PPP6R3: variants seen among roughly 807,000 people sequenced by gnomAD.
PPP6R3 encodes the protein serine/threonine-protein phosphatase 6 regulatory subunit 3.
Under a neutral mutation model 110.7 loss-of-function variants are expected in PPP6R3, and 38 were observed. The observed-to-expected ratio is 0.34, with a 90% CI of 0.26 to 0.45. The LOEUF (loss-of-function observed/expected upper bound fraction) is 0.45. Among genes scored for constraint, PPP6R3 ranks in the 20% least tolerant of loss-of-function variants. The pLI is 1.00. For missense variants in PPP6R3, 870 were observed against 1,062.4 expected (o/e 0.82, Z 2.52); for synonymous variants, 369 against 373.5 (o/e 0.99, Z 0.14).
chr11:68,497,870 G>T (rs567109094), intron 1 of PPP6R3, among the ~76,000 whole-genome samples: 1 of 152,100 alleles, frequency 6.6e-6, no homozygotes, highest in African/African-American at 2.4e-5. Context: ...GTTTTTTTCT[G>T]AGTTTTGATT....
intron 15 of PPP6R3, chr11:68,586,810 G>A (rs1179825503): frequency 6.6e-6 from 1 of 152,340 alleles, no homozygotes; most frequent in East Asian, 1.9e-4. Flanking sequence ...CATTTCTGCA[G>A]TGTACATCTG....
chr11:68,587,917 G>T lies in PPP6R3; in HGVS notation c.1633-10G>T. 1.2e-6 allele frequency: 2 copies of T among 1,609,626 alleles called. No homozygotes were observed. The highest frequency in any genetic ancestry group is 1.7e-6 in the Non-Finnish European group (2 of 1,175,946). On this transcript the variant is annotated splice_polypyrimidine_tract_variant and intron_variant, in intron 15 of 23. Coordinates refer to ENST00000393800, the MANE Select transcript of PPP6R3 (RefSeq NM_001164161.2). ...CATTATATCACTGTCACTGGTCCTGGGGTTGCCAGGCCTTTTCTGATTATC... is the reference window on the plus strand; with the variant it reads ...CATTATATCACTGTCACTGGTCCTGTGGTTGCCAGGCCTTTTCTGATTATC...
chr11:68,481,815 C>G (rs1478389690), intron 1 of PPP6R3, among the ~76,000 whole-genome samples: 1 of 152,282 alleles, frequency 6.6e-6, no homozygotes, highest in South Asian at 2.1e-4. Context: ...TGCTGAGTCC[C>G]TGCTATTAAA....
chr11:68,570,048 T>G (rs966751132), intron 11 of PPP6R3, 151 bp downstream of exon 11: 5 of 680,368 alleles, frequency 7.3e-6, no homozygotes, highest in Non-Finnish European at 6.8e-6. Flanking sequence ...ACTTTTAACA[T>G]ATAAATCATT....
intron 1 of PPP6R3, among the ~76,000 whole-genome samples, chr11:68,516,876 T>C (rs1893002): frequency 1.3e-3 from 193 of 152,234 alleles, no homozygotes; most frequent in African/African-American, 4.3e-3. Flanking sequence ...TGTTTTTTTT[T>C]CTTCTTTTCC....
chr11:68,613,811 T>C lies in PPP6R3; in HGVS notation c.*694T>C. ...ATTGATGTTATCGTAAAGCCATATG[T>C]TCTGTTCAAGTCTTGTTTGCTTGAA... On this transcript the variant is annotated 3_prime_UTR_variant, in exon 24 of 24. Coordinates refer to ENST00000393800, the MANE Select transcript of PPP6R3 (RefSeq NM_001164161.2). 1.0e-6 allele frequency: 1 copy of C among 985,628 alleles called. No individual in the cohort carries two copies. The highest frequency in any genetic ancestry group is 1.2e-6 in the Non-Finnish European group (1 of 829,680). 61.1% of individuals were successfully genotyped at this position (985,628 alleles called of 1,614,324 possible). A position where few individuals can be genotyped will look rare whatever the true frequency, so the allele number is the denominator to read the frequency against.
At chr11:68,463,158 A>C (rs1250441863) in intron 1 of PPP6R3, among the ~76,000 whole-genome samples, 1 of 151,938 alleles carries the variant, frequency 6.6e-6, no homozygotes, top group African/African-American at 2.4e-5. Flanking sequence ...CGGATCACTT[A>C]AGGTCAGGAG....
intron 13 of PPP6R3, among the ~76,000 whole-genome samples, chr11:68,575,583 C>G (rs190097091): frequency 6.6e-6 from 1 of 152,170 alleles, no homozygotes; most frequent in Admixed American, 6.5e-5. Context: ...ACCCCCGACA[C>G]GTTAAACACC....
At chr11:68,554,023 C>T (rs139305095) in intron 6 of PPP6R3, 122 bp from the exon 7 acceptor site, 21 of 689,162 alleles carry the variant, frequency 3.0e-5, no homozygotes, top group East Asian at 1.1e-4. Context: ...TGACCTTTTG[C>T]GCACTGAAGC....
intron 9 of PPP6R3, among the ~76,000 whole-genome samples, chr11:68,565,301 C>G (rs1185370508): frequency 6.6e-6 from 1 of 151,882 alleles, no homozygotes; most frequent in Non-Finnish European, 1.5e-5. Context: ...ATACCTGATG[C>G]CATTGGTGAG....
At position 68,569,773 on chromosome 11, in the gene PPP6R3, A is replaced by C. The variant is rs2153777637; in HGVS notation, c.1154A>C (p.Asn385Thr). 6.2e-7 allele frequency: 1 copy of C among 1,601,040 alleles called. No individual in the cohort carries two copies. The highest frequency in any genetic ancestry group is 1.3e-5 in the African/African-American group (1 of 74,848). The change falls in exon 11 of 24, where the codon AAT becomes ACT. Residue 385 changes from asparagine to threonine, a missense_variant. Asn to Thr is a moderately conservative substitution (Grantham distance 65). Transcript: ENST00000393800. Reference protein sequence around the residue: ...ILNMFFKYTWNNFLHTQVEIC... With the variant: ...ILNMFFKYTWTNFLHTQVEIC... ...AACATGTTCTTCAAGTATACATGGA[A>C]TAACTTTTTGCATACACAAGTGGAA...
chr11:68,580,612 G>A (rs2099549742), intron 14 of PPP6R3, among the ~76,000 whole-genome samples: 2 of 152,114 alleles, frequency 1.3e-5, no homozygotes, highest in Admixed American at 1.3e-4. Flanking sequence ...AAGAGTGAAG[G>A]TGGCAGTGAC....
chr11:68,579,108 G>A (rs1017100859), intron 14 of PPP6R3, among the ~76,000 whole-genome samples: 3 of 152,222 alleles, frequency 2.0e-5, no homozygotes, highest in Non-Finnish European at 4.4e-5. Flanking sequence ...TGATCTGAAT[G>A]TGTGCCTGTA....
At chr11:68,547,452 AGC>A (rs1491407500) in intron 4 of PPP6R3, among the ~76,000 whole-genome samples, 25 of 152,298 alleles carry the variant, frequency 1.6e-4, no homozygotes, top group African/African-American at 5.8e-4. Flanking sequence ...AGAGACCAGC[AGC>A]AGGGGCCTGA....
chr11:68,519,784 TCTGTGGTA>T (rs1460121280), intron 2 of PPP6R3, 133 bp downstream of exon 2: 5 of 391,952 alleles, frequency 1.3e-5, no homozygotes, highest in Non-Finnish European at 2.2e-5. Flanking sequence ...ACAATATGAT[TCTGTGGTA>T]CTGTGGTATT....
intron 12 of PPP6R3, among the ~76,000 whole-genome samples, chr11:68,573,808 T>C (rs2099519763): frequency 6.6e-6 from 1 of 152,174 alleles, no homozygotes; most frequent in Non-Finnish European, 1.5e-5. Context: ...TTATTTGATC[T>C]TTTAAAAAAT....
intron 10 of PPP6R3, 97 bp from the exon 11 acceptor site, chr11:68,569,651 C>A: frequency 1.7e-6 from 2 of 1,143,402 alleles, no homozygotes; most frequent in African/African-American, 1.6e-5. Context: ...GAGAGCACAT[C>A]ATTTTTACTT....
intron 22 of PPP6R3, among the ~76,000 whole-genome samples, chr11:68,606,819 T>G (rs983913857): frequency 6.6e-6 from 1 of 152,192 alleles, no homozygotes; most frequent in Non-Finnish European, 1.5e-5. Context: ...ATAAAACTGT[T>G]GTTCTTTGCA....
At chr11:68,612,590 G>GTAGTT (rs1284853787) in intron 23 of PPP6R3, among the ~76,000 whole-genome samples, 2 of 148,488 alleles carry the variant, frequency 1.3e-5, no homozygotes, top group African/African-American at 5.0e-5. Context: ...TTTTTTTCCA[G>GTAGTT]TAGTTTATTT....
Sources: allele counts gnomAD v4.1 joint callset (sites outside exome capture counted in the v4.1 genomes callset), GRCh38; gene constraint gnomAD v4.1.1; transcripts MANE v1.5; gene names NCBI Gene and HGNC (gene_info 2026-07-23, HGNC 2026-07-21).